The following SHANK2 variants were observed in gnomAD, a reference collection of about 807,000 sequenced individuals.
SHANK2 encodes the protein SH3 and multiple ankyrin repeat domains protein 2.
In SHANK2, 43 loss-of-function variants were observed where a neutral mutation model predicts 133.7. The observed-to-expected ratio is 0.32, with a 90% CI of 0.25 to 0.41. SHANK2 has a LOEUF of 0.41. Among genes scored for constraint, SHANK2 ranks in the 10% least tolerant of loss-of-function variants. The pLI is 1.00. For missense variants in SHANK2, 1,994 were observed against 2,235.8 expected, an observed-to-expected ratio of 0.89 and a Z score of 2.18; for synonymous variants, 1,017 against 952.8, an observed-to-expected ratio of 1.07 and a Z score of -1.24.
At chr11:71,092,079 C>T (rs1168635412) in intron 8 of SHANK2, among the ~76,000 whole-genome samples, 1 of 152,060 alleles carries the variant, frequency 6.6e-6, no homozygotes, top group Non-Finnish European at 1.5e-5. Context: ...CCTGTCAGGA[C>T]GGTGGGAACT....
chr11:71,128,300 G>A (rs1337612185), intron 3 of SHANK2, among the ~76,000 whole-genome samples: 2 of 152,342 alleles, frequency 1.3e-5, no homozygotes, highest in East Asian at 1.9e-4. Flanking sequence ...CCTAAAGGCT[G>A]TGATGTCCAG....
In SHANK2 at chr11:70,469,627, T is replaced by G. The variant is rs2058573385; in HGVS notation, c.*3242A>C. ...TACACAAACTATAGTGTGAAACATA[T>G]TAGTATTTAAAAAACAAAAAAAAAT... is the stretch of plus-strand genomic sequence containing the variant. On this transcript the variant is annotated 3_prime_UTR_variant, in exon 26 of 26. Transcript: ENST00000601538. The G allele has an allele frequency of 6.6e-6, 1 of 152,200 alleles. No homozygotes were observed. Among genetic ancestry groups the G allele is most frequent in the South Asian group, 2.1e-4 (1 of 4,822 alleles). 9.4% of individuals were successfully genotyped at this position (152,200 alleles called of 1,614,324 possible). A position where few individuals can be genotyped will look rare whatever the true frequency, so the allele number is the denominator to read the frequency against.
At position 70,624,235 on chromosome 11, in the gene SHANK2, C is replaced by T. The variant is rs545905849; in HGVS notation, c.2061+35593G>A. Among the ~76,000 whole-genome samples, 36 of 152,120 alleles carry T rather than the reference C, an allele frequency of 2.4e-4. No individual in the cohort carries two copies. The East Asian group carries it at 2.9e-3, about 12-fold the overall frequency. On this transcript the variant is annotated intron_variant, in intron 17 of 25. Coordinates refer to ENST00000601538, the MANE Select transcript of SHANK2 (RefSeq NM_012309.5). ...GAGCTGAGGGCAGAGCTGATGGGGGCGGGCTGTCACCTGCATGGTCTTATT... is the reference window on the plus strand; with the variant it reads ...GAGCTGAGGGCAGAGCTGATGGGGGTGGGCTGTCACCTGCATGGTCTTATT...
chr11:70,762,053 G>C (rs1947008616), intron 14 of SHANK2, among the ~76,000 whole-genome samples: 1 of 152,156 alleles, frequency 6.6e-6, no homozygotes, highest in African/African-American at 2.4e-5. Context: ...GTGGGCGTGG[G>C]GTTCTTTTTG....
At chr11:71,151,444 C>T (rs1329957582) in intron 2 of SHANK2, among the ~76,000 whole-genome samples, 4 of 152,176 alleles carry the variant, frequency 2.6e-5, no homozygotes, top group Non-Finnish European at 4.4e-5. Flanking sequence ...AGCAGCCACT[C>T]CTCATCAGAT....
intron 17 of SHANK2, among the ~76,000 whole-genome samples, chr11:70,515,817 ATTT>A (rs1221408043): frequency 6.6e-6 from 1 of 151,880 alleles, no homozygotes; most frequent in Non-Finnish European, 1.5e-5. Context: ...TCTCAAAAAA[ATTT>A]TTTTTATACC....
rs576202050 is a variant in SHANK2, at chr11:70,656,525, C to T, written c.2061+3303G>A. 8.1e-4 allele frequency among the ~76,000 whole-genome samples: 123 copies of T among 152,308 alleles called. 1 individual carries two copies. The highest frequency in any genetic ancestry group is 2.8e-3 in the African/African-American group (118 of 41,576). The stretch of plus-strand genomic sequence containing the variant: ...GCCCCTCCCACGGCCTCTGAAATCT[C>T]TTTGGCTCCTTCTCCCCTGGGCTGG... On this transcript the variant is annotated intron_variant, in intron 17 of 25. Coordinates refer to ENST00000601538, the MANE Select transcript of SHANK2 (RefSeq NM_012309.5).
At chr11:70,681,662 C>T (rs541380436) in intron 15 of SHANK2, among the ~76,000 whole-genome samples, 112 of 152,226 alleles carry the variant, frequency 7.4e-4, no homozygotes, top group South Asian at 3.7e-3. Context: ...CGCTGGGGCA[C>T]GCTGAGCTCC....
intron 10 of SHANK2, chr11:70,942,532 C>A (rs1267387823): frequency 2.2e-6 from 1 of 456,494 alleles, no homozygotes; most frequent in Non-Finnish European, 4.4e-6. Flanking sequence ...CCCAACACCC[C>A]CACATTGAGG....
At chr11:70,504,617 TCTTGGGAGCAGGACTATCCTAATGGGGC>T (rs1175815898) in intron 17 of SHANK2, among the ~76,000 whole-genome samples, 5 of 151,866 alleles carry the variant, frequency 3.3e-5, no homozygotes, top group African/African-American at 1.2e-4. Context: ...GAAGATAGAG[TCTTGGGAGCAGGACTATCCTAATGGGGC>T]CTTGGGAGAG....
Position 71,092,412 on chromosome 11 carries a change from G to A in SHANK2, c.912+10C>T, listed in dbSNP as rs2135111883. 1.9e-6 allele frequency: 3 copies of A among 1,551,020 alleles called. No homozygotes were observed. Among genetic ancestry groups the A allele is most frequent in the Non-Finnish European group, 2.6e-6 (3 of 1,146,822 alleles). On this transcript the variant is annotated intron_variant, in intron 8 of 25. Transcript: ENST00000601538. ...TGGGTACAACAGAGTGGAGAAGCGG[G>A]CCCACGTACCTGGTGGATCTCGTGC...
At chr11:70,511,896 T>C (rs1247082934) in intron 17 of SHANK2, among the ~76,000 whole-genome samples, 1 of 152,186 alleles carries the variant, frequency 6.6e-6, no homozygotes, top group South Asian at 2.1e-4. Context: ...AAGTTGTACA[T>C]ACACATACAC....
Position 70,488,506 on chromosome 11 carries a change from G to A in SHANK2, c.2573-786C>T, listed in dbSNP as rs964750924. 1.1e-4 allele frequency among the ~76,000 whole-genome samples: 17 copies of A among 152,188 alleles called. 1 individual carries two copies. The highest frequency in any genetic ancestry group is 1.3e-4 in the Admixed American group (2 of 15,284). On this transcript the variant is annotated intron_variant, in intron 24 of 25. Coordinates refer to ENST00000601538, the MANE Select transcript of SHANK2 (RefSeq NM_012309.5). ...GGTTCTATGTGTCCTCGAGCTCTCT[G>A]GACCTTCAGAGAGATGGATGGCTGG...
intron 10 of SHANK2, among the ~76,000 whole-genome samples, chr11:70,927,220 C>T (rs535101787): frequency 6.6e-6 from 1 of 152,260 alleles, no homozygotes; most frequent in African/African-American, 2.4e-5. Flanking sequence ...AACAATAATA[C>T]TTCCCATAGT....
intron 17 of SHANK2, among the ~76,000 whole-genome samples, chr11:70,568,087 G>A (rs540215381): frequency 2.8e-4 from 42 of 152,320 alleles, no homozygotes; most frequent in African/African-American, 1.0e-3. Context: ...GCAGCGGGGT[G>A]GTGGAGTCTG....
intron 14 of SHANK2, among the ~76,000 whole-genome samples, chr11:70,699,962 G>A (rs375032763): frequency 5.1e-4 from 77 of 152,288 alleles, no homozygotes; most frequent in Non-Finnish European, 7.8e-4. Flanking sequence ...GTGCTCTCCC[G>A]ACTCTGTCTT....
At chr11:70,789,572 C>T (rs1328582708) in intron 14 of SHANK2, among the ~76,000 whole-genome samples, 2 of 152,210 alleles carry the variant, frequency 1.3e-5, no homozygotes, top group Admixed American at 6.5e-5. Flanking sequence ...GTCACTTCCT[C>T]GGTGGTCTCT....
At chr11:70,643,095 C>T (rs375548304) in intron 17 of SHANK2, among the ~76,000 whole-genome samples, 3 of 152,074 alleles carry the variant, frequency 2.0e-5, no homozygotes, top group Non-Finnish European at 2.9e-5. Context: ...AATAGCTGAG[C>T]CCCCTGTGAC....
At position 71,248,854 on chromosome 11, in the gene SHANK2, G is replaced by A. The variant is rs1361157824; in HGVS notation, c.-113+3571C>T. Among the ~76,000 whole-genome samples, 6 of 152,134 alleles carry A rather than the reference G, an allele frequency of 3.9e-5. No individual in the cohort carries two copies. In the South Asian group the frequency reaches 6.2e-4, roughly 16 times the overall value. On this transcript the variant is annotated intron_variant, in intron 1 of 25. Coordinates refer to ENST00000601538, the MANE Select transcript of SHANK2 (RefSeq NM_012309.5). Reference sequence around the variant, plus strand: ...ACCCTTTCTATGCCCTGCAGCACTCGATGCTCACCTCCATCACAAGCCCTG... The same window carrying A: ...ACCCTTTCTATGCCCTGCAGCACTCAATGCTCACCTCCATCACAAGCCCTG...
Sources: allele counts gnomAD v4.1 joint callset (sites outside exome capture counted in the v4.1 genomes callset), GRCh38; gene constraint gnomAD v4.1.1; transcripts MANE v1.5; gene names NCBI Gene and HGNC (gene_info 2026-07-23, HGNC 2026-07-21).